Variants in CRTC3 observed in about 807,000 individuals in gnomAD.
CRTC3 encodes CREB regulated transcription coactivator 3.
Under a neutral mutation model 74.5 loss-of-function variants are expected in CRTC3, and 26 were observed. That is an observed-to-expected ratio of 0.35 (90% confidence interval 0.26 to 0.48). The LOEUF (loss-of-function observed/expected upper bound fraction) is 0.48, where lower values mean the gene tolerates loss of function less well. CRTC3 is among the 20% of genes least tolerant of loss of function. CRTC3 has a pLI of 0.99. For synonymous variants in CRTC3, 377 were observed against 325.8 expected, an observed-to-expected ratio of 1.16 and a Z score of -1.69; for missense variants, 760 against 787.3, an observed-to-expected ratio of 0.97 and a Z score of 0.41.
chr15:90,609,806 G>A (rs1968316056), intron 6 of CRTC3, among the ~76,000 whole-genome samples: 3 of 152,232 alleles, frequency 2.0e-5, no homozygotes, highest in Admixed American at 2.0e-4. Flanking sequence ...AGAGCAATGA[G>A]AAAAACAGGA....
At chr15:90,590,442 C>T (rs1482993341) in intron 2 of CRTC3, among the ~76,000 whole-genome samples, 2 of 151,812 alleles carry the variant, frequency 1.3e-5, no homozygotes, top group East Asian at 3.9e-4. Context: ...TCTTTGTCAC[C>T]CAGGCTGGAG....
chr15:90,610,052 T>G (rs1212369046), intron 6 of CRTC3, among the ~76,000 whole-genome samples: 1 of 152,206 alleles, frequency 6.6e-6, no homozygotes, highest in African/African-American at 2.4e-5. Context: ...GGAAAGCCAG[T>G]GTTTAAAATA....
chr15:90,538,582 G>A (rs1440066092), intron 1 of CRTC3, among the ~76,000 whole-genome samples: 2 of 152,128 alleles, frequency 1.3e-5, no homozygotes, highest in Admixed American at 6.5e-5. Flanking sequence ...TGCGGGTAGT[G>A]GAGAGGGTAA....
At chr15:90,584,586 G>A (rs1967617267) in intron 2 of CRTC3, among the ~76,000 whole-genome samples, 1 of 152,200 alleles carries the variant, frequency 6.6e-6, no homozygotes, top group Non-Finnish European at 1.5e-5. Context: ...GTCGTCCAGG[G>A]TGGACACCAA....
intron 5 of CRTC3, among the ~76,000 whole-genome samples, chr15:90,605,637 GTC>G (rs934458051): frequency 4.6e-5 from 7 of 152,088 alleles, no homozygotes; most frequent in African/African-American, 1.4e-4. Flanking sequence ...CTGAACCCAG[GTC>G]TCTCTGATCT....
intron 5 of CRTC3, among the ~76,000 whole-genome samples, chr15:90,606,085 G>A (rs1968212062): frequency 6.6e-6 from 1 of 151,954 alleles, no homozygotes; most frequent in Non-Finnish European, 1.5e-5. Context: ...GTGAAACACC[G>A]TCTCTACTAA....
intron 11 of CRTC3, among the ~76,000 whole-genome samples, chr15:90,630,567 T>G (rs6496713): frequency 6.6e-6 from 1 of 151,858 alleles, no homozygotes; most frequent in Non-Finnish European, 1.5e-5. Context: ...TGAGCCAAGA[T>G]AGCCTCACTG....
chr15:90,572,219 A>G (rs1037118177), intron 2 of CRTC3, among the ~76,000 whole-genome samples: 3 of 151,686 alleles, frequency 2.0e-5, no homozygotes, highest in South Asian at 2.1e-4. Context: ...TTTCTATGTC[A>G]GTACCTAAAG....
intron 2 of CRTC3, among the ~76,000 whole-genome samples, chr15:90,570,571 A>G (rs1486120475): frequency 6.6e-6 from 1 of 152,160 alleles, no homozygotes. Flanking sequence ...AAGAATAGTA[A>G]TTCTTTAGAT....
intron 2 of CRTC3, among the ~76,000 whole-genome samples, chr15:90,589,912 A>C (rs957648030): frequency 6.6e-6 from 1 of 152,098 alleles, no homozygotes; most frequent in Non-Finnish European, 1.5e-5. Flanking sequence ...GCTTGAACCC[A>C]GGAGGCAGAG....
intron 3 of CRTC3, chr15:90,596,400 AC>A (rs1392721062): frequency 2.0e-5 from 3 of 152,204 alleles, no homozygotes; most frequent in African/African-American, 7.2e-5. Flanking sequence ...ATAATCTGGC[AC>A]TGTATGGATC....
At chr15:90,634,874 A>C in intron 11 of CRTC3, 3 of 1,555,870 alleles carry the variant, frequency 1.9e-6, no homozygotes, top group Non-Finnish European at 2.6e-6. Context: ...TCACTGTTGG[A>C]TCGGGTTCTA....
intron 1 of CRTC3, among the ~76,000 whole-genome samples, chr15:90,537,125 A>G (rs1966732190): frequency 6.6e-6 from 1 of 152,244 alleles, no homozygotes; most frequent in Non-Finnish European, 1.5e-5. Context: ...AAGGTGTTGA[A>G]GACAGTCTCA....
At chr15:90,574,032 A>G (rs1467133799) in intron 2 of CRTC3, among the ~76,000 whole-genome samples, 3 of 152,206 alleles carry the variant, frequency 2.0e-5, no homozygotes, top group Non-Finnish European at 2.9e-5. Flanking sequence ...TGAATAATAC[A>G]TCTTGGAGAT....
chr15:90,635,990 T>G (rs1969220217), intron 11 of CRTC3, among the ~76,000 whole-genome samples: 1 of 152,076 alleles, frequency 6.6e-6, no homozygotes, highest in African/African-American at 2.4e-5. Flanking sequence ...CCCAAGGTAA[T>G]TTATAGATTC....
chr15:90,549,910 G>T (rs1411120504), intron 2 of CRTC3, among the ~76,000 whole-genome samples: 1 of 150,324 alleles, frequency 6.7e-6, no homozygotes, highest in Non-Finnish European at 1.5e-5. Flanking sequence ...CACCATGTTG[G>T]TCACGCCAGT....
intron 2 of CRTC3, among the ~76,000 whole-genome samples, chr15:90,543,943 T>C (rs928910414): frequency 6.6e-6 from 1 of 152,182 alleles, no homozygotes; most frequent in Non-Finnish European, 1.5e-5. Flanking sequence ...TGGAATCAAA[T>C]GTCCGTAGTC....
intron 1 of CRTC3, among the ~76,000 whole-genome samples, chr15:90,538,773 C>CTT (rs4031379): frequency 0.058 from 8,426 of 144,372 alleles, 311 homozygotes; most frequent in Non-Finnish European, 0.065. Context: ...CAAACTTCAC[C>CTT]TTTTTTTTTT....
chr15:90,634,223 T>C (rs1294509705), intron 11 of CRTC3, among the ~76,000 whole-genome samples: 3 of 151,998 alleles, frequency 2.0e-5, no homozygotes, highest in African/African-American at 7.3e-5. Flanking sequence ...ACCATTCTCC[T>C]GGCCTCAGCC....
Sources: allele counts gnomAD v4.1 joint callset (sites outside exome capture counted in the v4.1 genomes callset), GRCh38; gene constraint gnomAD v4.1.1; transcripts MANE v1.5; gene names NCBI Gene and HGNC (gene_info 2026-07-23, HGNC 2026-07-21).